CACNA1D: variants seen among roughly 807,000 people sequenced by gnomAD.
The protein encoded by CACNA1D is voltage-dependent L-type calcium channel subunit alpha-1D.
Under a neutral mutation model 257.1 loss-of-function variants are expected in CACNA1D, and 55 were observed. The ratio of observed to expected loss-of-function variants is 0.21; its 90% CI spans 0.17 to 0.27. The LOEUF (loss-of-function observed/expected upper bound fraction) is 0.27, where lower values mean the gene tolerates loss of function less well. Ranked by LOEUF, CACNA1D falls within the 10% of genes least tolerant of loss-of-function variation. The pLI is 1.00. For synonymous variants in CACNA1D, 980 were observed against 1,014.9 expected, an observed-to-expected ratio of 0.97 and a Z score of 0.65; for missense variants, 1,876 against 2,784.0, an observed-to-expected ratio of 0.67 and a Z score of 7.34.
chr3:53,805,930 CCCT>C (rs1402211713), intron 45 of CACNA1D, among the ~76,000 whole-genome samples: 1 of 134,440 alleles, frequency 7.4e-6, no homozygotes, highest in Non-Finnish European at 1.6e-5. Context: ...CCCTCATCTT[CCCT>C]CCTCCTCCTC....
chr3:53,779,740 A>C (rs1488798620), intron 37 of CACNA1D, among the ~76,000 whole-genome samples: 1 of 152,098 alleles, frequency 6.6e-6, no homozygotes, highest in Non-Finnish European at 1.5e-5. Context: ...TGGGGAGGGC[A>C]TTGCTTTACT....
At chr3:53,618,322 G>T (rs1243893095) in intron 3 of CACNA1D, among the ~76,000 whole-genome samples, 1 of 152,178 alleles carries the variant, frequency 6.6e-6, no homozygotes, top group Non-Finnish European at 1.5e-5. Flanking sequence ...GATGGCCCAG[G>T]TCTGGCTGGG....
At chr3:53,720,143 G>A (rs2094866635) in intron 11 of CACNA1D, among the ~76,000 whole-genome samples, 1 of 152,184 alleles carries the variant, frequency 6.6e-6, no homozygotes, top group Non-Finnish European at 1.5e-5. Context: ...TTCTTGATGT[G>A]CATGCGGGTT....
At chr3:53,540,480 T>G (rs1367744378) in intron 3 of CACNA1D, among the ~76,000 whole-genome samples, 7 of 151,960 alleles carry the variant, frequency 4.6e-5, no homozygotes, top group Non-Finnish European at 7.4e-5. Flanking sequence ...TGTTGGGATA[T>G]GTGGTATATA....
At chr3:53,734,048 A>ATG (rs1337508789) in intron 19 of CACNA1D, among the ~76,000 whole-genome samples, 4 of 126,790 alleles carry the variant, frequency 3.2e-5, no homozygotes, top group Non-Finnish European at 6.7e-5. Context: ...ATATATATAT[A>ATG]TGTTGAGGGA....
intron 3 of CACNA1D, among the ~76,000 whole-genome samples, chr3:53,648,652 G>A (rs537791849): frequency 9.2e-5 from 14 of 152,152 alleles, no homozygotes; most frequent in South Asian, 2.1e-4. Flanking sequence ...AGCTCTGAGC[G>A]TGGCATTTCA....
intron 3 of CACNA1D, among the ~76,000 whole-genome samples, chr3:53,643,697 G>A (rs1256377866): frequency 6.6e-6 from 1 of 152,172 alleles, no homozygotes; most frequent in East Asian, 1.9e-4. Context: ...CATGAGAAAC[G>A]AAGACCAAAC....
At chr3:53,596,376 G>A (rs1457505208) in intron 3 of CACNA1D, among the ~76,000 whole-genome samples, 1 of 152,156 alleles carries the variant, frequency 6.6e-6, no homozygotes, top group Non-Finnish European at 1.5e-5. Context: ...GGAGATAGGT[G>A]CCCTGAGTAG....
intron 3 of CACNA1D, among the ~76,000 whole-genome samples, chr3:53,615,129 C>T (rs1311380060): frequency 6.6e-6 from 1 of 152,200 alleles, no homozygotes; most frequent in Admixed American, 6.5e-5. Context: ...TCCGTGGCTT[C>T]ATTTTTTCCA....
intron 3 of CACNA1D, among the ~76,000 whole-genome samples, chr3:53,635,140 T>C (rs1156615978): frequency 6.6e-6 from 1 of 152,232 alleles, no homozygotes; most frequent in Non-Finnish European, 1.5e-5. Context: ...TTTCACCTTG[T>C]GAGTTACAGG....
chr3:53,796,423 G>A (rs1047418713), intron 40 of CACNA1D: 9 of 455,816 alleles, frequency 2.0e-5, no homozygotes, highest in African/African-American at 6.0e-5. Context: ...CGGGGCTCTG[G>A]GCACTTGTGC....
intron 3 of CACNA1D, among the ~76,000 whole-genome samples, chr3:53,523,188 G>C (rs1233769985): frequency 3.3e-5 from 5 of 152,226 alleles, no homozygotes; most frequent in Non-Finnish European, 1.5e-5. Flanking sequence ...CAAGAGGCAG[G>C]AGTTGGAACA....
rs116429086 is a variant in CACNA1D at position 53,590,737 on chromosome 3, C to T, written c.484-60042C>T. Among the ~76,000 whole-genome samples the T allele has an allele frequency of 4.6e-3, 699 of 152,308 alleles. 9 individuals are homozygous for T. Among genetic ancestry groups the T allele is most frequent in the African/African-American group, 0.016 (668 of 41,572 alleles). ...GTGAGCCTGGGCGGCCGGGCACCCTCTCGTTTCCTCATGTAGAAGGTGATC... is the reference window on the plus strand; with the variant it reads ...GTGAGCCTGGGCGGCCGGGCACCCTTTCGTTTCCTCATGTAGAAGGTGATC... On this transcript the variant is annotated intron_variant, in intron 3 of 47. Coordinates refer to ENST00000350061, the MANE Select transcript of CACNA1D (RefSeq NM_001128840.3).
chr3:53,642,627 G>A (rs528006864), intron 3 of CACNA1D, among the ~76,000 whole-genome samples: 20 of 152,318 alleles, frequency 1.3e-4, no homozygotes, highest in Admixed American at 9.8e-4. Context: ...AGCCTCTGCC[G>A]CCCCAGGCAT....
chr3:53,750,145 C>T (rs924358997), intron 27 of CACNA1D, among the ~76,000 whole-genome samples: 1 of 152,138 alleles, frequency 6.6e-6, no homozygotes, highest in African/African-American at 2.4e-5. Flanking sequence ...GATCTGACAC[C>T]GTGTTTTAGC....
At chr3:53,593,823 A>C (rs1286444441) in intron 3 of CACNA1D, among the ~76,000 whole-genome samples, 1 of 152,200 alleles carries the variant, frequency 6.6e-6, no homozygotes, top group Non-Finnish European at 1.5e-5. Context: ...TGCCTGCTAC[A>C]GGGCTGGGAA....
In CACNA1D at chr3:53,745,864, T is replaced by C; in HGVS notation, c.3156T>C (p.Pro1052=). The change falls in exon 25 of 48, where the codon CCT becomes CCC. Residue 1052 remains proline (P), a synonymous_variant. Transcript: ENST00000350061. Reference sequence around the variant, plus strand: ...GTACGGATGAAGCCAAAAGTAACCCTGAAGAATGCAGGTGAGCGTCCTGAG... The same window carrying C: ...GTACGGATGAAGCCAAAAGTAACCCCGAAGAATGCAGGTGAGCGTCCTGAG... ...YRCTDEAKSN[P]EECRGLFILY... 2.5e-6 allele frequency: 4 copies of C among 1,613,500 alleles called. No individual in the cohort carries two copies. In the South Asian group the frequency reaches 4.4e-5, roughly 18 times the overall value.
At chr3:53,745,997 T>G in intron 25 of CACNA1D, 122 bp downstream of exon 25, 1 of 751,534 alleles carries the variant, frequency 1.3e-6, no homozygotes. Flanking sequence ...GTGCTCAGCT[T>G]GTGGGTAGAT....
chr3:53,774,532 A>AT lies in CACNA1D; in HGVS notation c.4111-47dup, dbSNP rs2095385745. ...GAGTTAGTTCTAAATTCACATACGG[A>AT]TTTTTTTTGCATGACGAAATCTATT... On this transcript the variant is annotated intron_variant, in intron 33 of 47. Transcript: ENST00000350061. This position sits in a 1 kb window ranked among gnomAD's most constrained non-coding sequence, Gnocchi z 4.3. 8.9e-5 allele frequency: 96 copies of AT among 1,084,130 alleles called. No homozygotes were observed. Among genetic ancestry groups the AT allele is most frequent in the Non-Finnish European group, 1.3e-4 (91 of 696,666 alleles). 67.2% of individuals were successfully genotyped at this position (1,084,130 alleles called of 1,614,324 possible). A position where few individuals can be genotyped will look rare whatever the true frequency, so the allele number is the denominator to read the frequency against.
Sources: gnomAD v4.1 joint callset for allele counts (sites outside exome capture counted in the v4.1 genomes callset) on GRCh38, gnomAD v4.1.1 for gene constraint, Gnocchi (gnomAD v3.1) non-coding constraint, MANE v1.5 for transcripts, NCBI Gene and HGNC (gene_info 2026-07-23, HGNC 2026-07-21) for gene names.